Variants in SV2B observed in about 807,000 individuals in gnomAD.
SV2B encodes solute carrier family 22 member B2.
Under a neutral mutation model 73.9 loss-of-function variants are expected in SV2B, and 41 were observed. That is an observed-to-expected ratio of 0.56 (90% CI 0.43 to 0.72). SV2B has a LOEUF of 0.72. SV2B is among the 30% of genes least tolerant of loss of function. SV2B has a pLI of 0.00. For missense variants in SV2B, 764 were observed against 857.8 expected (o/e 0.89, Z 1.37); for synonymous variants, 314 against 314.2 (o/e 1.00, Z 0.01).
intron 1 of SV2B, among the ~76,000 whole-genome samples, chr15:91,217,454 T>C (rs1244228311): frequency 6.6e-6 from 1 of 152,088 alleles, no homozygotes; most frequent in Admixed American, 6.6e-5. Context: ...TTAGGAGATA[T>C]ACCTAATGTA....
chr15:91,166,864 A>G (rs1436108081), intron 1 of SV2B, among the ~76,000 whole-genome samples: 5 of 147,086 alleles, frequency 3.4e-5, no homozygotes, highest in African/African-American at 1.3e-4. Flanking sequence ...CCCAGGCTGG[A>G]GTGCAGTGGT....
rs1351228404 is a variant in SV2B, at chr15:91,123,454, A to G, written c.-392+23091A>G. ...AATTTTTATTTGTCAATTAAAAGAAAGAAATAAGAGCTTGAGGAAGATACA... is the reference window on the plus strand; with the variant it reads ...AATTTTTATTTGTCAATTAAAAGAAGGAAATAAGAGCTTGAGGAAGATACA... On this transcript the variant is annotated intron_variant, in intron 1 of 12. Transcript: ENST00000394232. The surrounding 1 kb of genome is among the most constrained non-coding windows in gnomAD (Gnocchi z 4.7). Among the ~76,000 whole-genome samples, 2 of 152,228 alleles carry G rather than the reference A, an allele frequency of 1.3e-5. No homozygotes were observed. Among genetic ancestry groups the G allele is most frequent in the African/African-American group, 2.4e-5 (1 of 41,450 alleles).
At chr15:91,212,660 A>C (rs1015995513) in intron 1 of SV2B, among the ~76,000 whole-genome samples, 1 of 152,150 alleles carries the variant, frequency 6.6e-6, no homozygotes, top group Non-Finnish European at 1.5e-5. Flanking sequence ...CTGGTAGAGA[A>C]TAAAGGAAGC....
intron 1 of SV2B, among the ~76,000 whole-genome samples, chr15:91,186,321 C>T (rs915692438): frequency 1.5e-4 from 23 of 151,088 alleles, no homozygotes; most frequent in African/African-American, 4.9e-5. Context: ...TTTTGCTATA[C>T]GTGAGATAAA....
chr15:91,199,345 C>T lies in SV2B; in HGVS notation c.-391-26528C>T, dbSNP rs562623271. On this transcript the variant is annotated intron_variant, in intron 1 of 12. Coordinates refer to ENST00000394232, the MANE Select transcript of SV2B (RefSeq NM_001323032.3). ...TGTAAGGGGGCAGACCCAGGTCTAA[C>T]AGATAGAGTAACAATCCTCCAGGCC... 2.0e-5 allele frequency among the ~76,000 whole-genome samples: 3 copies of T among 152,232 alleles called. No individual in the cohort carries two copies. The South Asian group carries it at 6.2e-4, about 32-fold the overall frequency.
At position 91,120,362 on chromosome 15, in the gene SV2B, G is replaced by A. The variant is rs149859705; in HGVS notation, c.-392+19999G>A. 6.6e-3 allele frequency among the ~76,000 whole-genome samples: 1,006 copies of A among 152,256 alleles called. 12 individuals carry two copies. Among genetic ancestry groups the A allele is most frequent in the African/African-American group, 0.023 (946 of 41,532 alleles). On this transcript the variant is annotated intron_variant, in intron 1 of 12. Coordinates refer to ENST00000394232, the MANE Select transcript of SV2B (RefSeq NM_001323032.3). ...ATCTTGTGAGAACACACTCACTATC[G>A]TGAAAACAGCATGGGGAAATCTGCC...
chr15:91,267,720 G>T lies in SV2B; in HGVS notation c.1208+77G>T, dbSNP rs754647819. The T allele has an allele frequency of 4.5e-5, 53 of 1,188,586 alleles. No homozygotes were observed. Among genetic ancestry groups the T allele is most frequent in the Non-Finnish European group, 6.4e-5 (52 of 815,210 alleles). 73.6% of individuals were successfully genotyped at this position (1,188,586 alleles called of 1,614,324 possible). ...CTTTACACATTGAGGATTACAGTGA[G>T]TTCTGACTTAGAATTTGTATCAGGT... On this transcript the variant is annotated intron_variant, in intron 8 of 12. Transcript: ENST00000394232. This position sits in a 1 kb window ranked among gnomAD's most constrained non-coding sequence, Gnocchi z 4.3.
At position 91,100,498 on chromosome 15, in the gene SV2B, A is replaced by G. The variant is rs1333003202; in HGVS notation, c.-392+135A>G. 6.6e-6 allele frequency: 1 copy of G among 152,224 alleles called. No individual in the cohort carries two copies. The highest frequency in any genetic ancestry group is 2.4e-5 in the African/African-American group (1 of 41,468). The allele number at this position is 152,224 out of a possible 1,614,324, so 9.4% of individuals were successfully genotyped here. A position where few individuals can be genotyped will look rare whatever the true frequency, so the allele number is the denominator to read the frequency against. ...CACAGCTGAGTGCTGTTCATAGTAA[A>G]TGGCACAAAAGATCGGAGAGTCTTG... On this transcript the variant is annotated intron_variant, in intron 1 of 12. Transcript: ENST00000394232. This position sits in a 1 kb window ranked among gnomAD's most constrained non-coding sequence, Gnocchi z 6.4.
At chr15:91,233,691 G>GCC (rs57934375) in intron 2 of SV2B, among the ~76,000 whole-genome samples, 2 of 151,910 alleles carry the variant, frequency 1.3e-5, no homozygotes, top group African/African-American at 4.8e-5. Context: ...CATCCTCTCT[G>GCC]CCCCCATTCA....
rs922564489 is a variant in SV2B at position 91,100,536 on chromosome 15, A to C, written c.-392+173A>C. 6.6e-6 allele frequency among the ~76,000 whole-genome samples: 1 copy of C among 152,258 alleles called. No homozygotes were observed. Among genetic ancestry groups the C allele is most frequent in the Non-Finnish European group, 1.5e-5 (1 of 68,040 alleles). On this transcript the variant is annotated intron_variant, in intron 1 of 12. Transcript: ENST00000394232. This position sits in a 1 kb window ranked among gnomAD's most constrained non-coding sequence, Gnocchi z 6.4. ...TCGGAGAGTCTTGAAAAACCGGCGCAGAAAAGCAAGGACTTGCCCGCTGCC... is the reference window on the plus strand; with the variant it reads ...TCGGAGAGTCTTGAAAAACCGGCGCCGAAAAGCAAGGACTTGCCCGCTGCC...
chr15:91,191,070 T>TTTTTTTTTTTTTTTTTTTTTC (rs1358888300), intron 1 of SV2B, among the ~76,000 whole-genome samples: 1 of 125,608 alleles, frequency 8.0e-6, no homozygotes, highest in Non-Finnish European at 1.7e-5. Flanking sequence ...TTTCTTTTTT[T>TTTTTTTTTTTTTTTTTTTTTC]TTTTTTTTTT....
Position 91,137,614 on chromosome 15 carries a change from ATATTT to A in SV2B, c.-392+37252_-392+37256del, listed in dbSNP as rs1437484382. Among the ~76,000 whole-genome samples the A allele has an allele frequency of 0.087, 11,829 of 136,444 alleles. 657 individuals carry two copies. The highest frequency in any genetic ancestry group is 0.12 in the Middle Eastern group (31 of 256). The allele number at this position is 136,444 out of a possible 152,430, so 89.5% of individuals were successfully genotyped here. A position where few individuals can be genotyped will look rare whatever the true frequency, so the allele number is the denominator to read the frequency against. Reference sequence around the variant, plus strand: ...TCATATATATATATATTTCATATATATATTTCATATATACATATATTTCATATATA... The same window carrying A: ...TCATATATATATATATTTCATATATACATATATACATATATTTCATATATA... On this transcript the variant is annotated intron_variant, in intron 1 of 12. Transcript: ENST00000394232. The surrounding 1 kb of genome is among the most constrained non-coding windows in gnomAD (Gnocchi z 4.9).
At chr15:91,182,778 A>G (rs79928941) in intron 1 of SV2B, among the ~76,000 whole-genome samples, 28 of 152,316 alleles carry the variant, frequency 1.8e-4, no homozygotes, top group Middle Eastern at 3.4e-3. Context: ...TACCATTTTA[A>G]AAAATGCCAT....
intron 1 of SV2B, among the ~76,000 whole-genome samples, chr15:91,198,040 A>G (rs1452675384): frequency 2.0e-5 from 3 of 152,200 alleles, no homozygotes; most frequent in African/African-American, 7.2e-5. Context: ...GTCTCAAAAC[A>G]AACAAACAAA....
chr15:91,260,526 G>A (rs1445064303), intron 6 of SV2B, 117 bp downstream of exon 6: 10 of 668,104 alleles, frequency 1.5e-5, no homozygotes, highest in Non-Finnish European at 2.4e-5. Context: ...CAAAGACTCT[G>A]ATATTGCTGT....
chr15:91,282,769 T>C (rs1185846957), intron 10 of SV2B, among the ~76,000 whole-genome samples: 2 of 152,226 alleles, frequency 1.3e-5, no homozygotes, highest in African/African-American at 4.8e-5. Flanking sequence ...GAACATCTTT[T>C]TCCTCTATGA....
In SV2B at chr15:91,250,645, A is replaced by G. The variant is rs774361086; in HGVS notation, c.452-1174A>G. ...TGTAAAATAAGAAACCAACATAAAA[A>G]TAGTAATGTTTCTATATGCTAACAA... On this transcript the variant is annotated intron_variant, in intron 2 of 12. Transcript: ENST00000394232. Among the ~76,000 whole-genome samples, 19 of 152,328 alleles carry G rather than the reference A, an allele frequency of 1.2e-4. No homozygotes were observed. The South Asian group carries it at 3.5e-3, about 28-fold the overall frequency.
At chr15:91,208,263 G>T (rs17693503) in intron 1 of SV2B, among the ~76,000 whole-genome samples, 5,249 of 152,078 alleles carry the variant, frequency 0.035, 247 homozygotes, top group East Asian at 0.12. Flanking sequence ...TGCAAAAACT[G>T]GTGTGTCTAT....
At chr15:91,126,094 AAGG>A (rs2042474270) in intron 1 of SV2B, among the ~76,000 whole-genome samples, 1 of 152,178 alleles carries the variant, frequency 6.6e-6, no homozygotes, top group African/African-American at 2.4e-5. Context: ...TGCAAAGAAA[AAGG>A]AGCCTCTCAG....
Sources: allele counts gnomAD v4.1 joint callset (sites outside exome capture counted in the v4.1 genomes callset), GRCh38; gene constraint gnomAD v4.1.1; non-coding constraint Gnocchi (gnomAD v3.1); transcripts MANE v1.5; gene names NCBI Gene and HGNC (gene_info 2026-07-23, HGNC 2026-07-21).